Variants in CTXN2 observed in about 807,000 individuals in gnomAD.
CTXN2 encodes the protein cortexin 2, also known as cortexin-2.
In CTXN2, 3 loss-of-function variants were observed where a neutral mutation model predicts 5.7. The observed-to-expected ratio is 0.53, with a 90% CI of 0.24 to 1.36. CTXN2 has a LOEUF of 1.36. Among genes scored for constraint, CTXN2 ranks in the 40% most tolerant of loss-of-function variants. The pLI, the probability that CTXN2 is intolerant of heterozygous loss-of-function variation, is 0.17. For synonymous variants in CTXN2, 38 were observed against 36.4 expected (o/e 1.04, Z -0.16); for missense variants, 87 against 93.0 (o/e 0.94, Z 0.26).
intron 1 of CTXN2, among the ~76,000 whole-genome samples, chr15:48,180,567 A>G (rs1444810472): frequency 6.6e-6 from 1 of 152,124 alleles, no homozygotes; most frequent in East Asian, 1.9e-4. Flanking sequence ...GCTGGAGTGC[A>G]GTGGCGCCAT....
At chr15:48,186,632 G>A (rs2040758543) in intron 1 of CTXN2, among the ~76,000 whole-genome samples, 1 of 152,122 alleles carries the variant, frequency 6.6e-6, no homozygotes, top group Non-Finnish European at 1.5e-5. Flanking sequence ...CAGGCGCGTT[G>A]GCTCACGCCT....
At chr15:48,186,278 T>G (rs1014022897) in intron 1 of CTXN2, among the ~76,000 whole-genome samples, 6 of 152,192 alleles carry the variant, frequency 3.9e-5, no homozygotes, top group Non-Finnish European at 7.3e-5. Flanking sequence ...TTTAGTACAT[T>G]TTTCTTTGCA....
At position 48,203,678 on chromosome 15, in the gene CTXN2, CTCCCATAAGCTT is replaced by C. The variant is rs961693668; in HGVS notation, c.*2134_*2145del. 1.8e-5 allele frequency: 3 copies of C among 166,988 alleles called. No homozygotes were observed. The highest frequency in any genetic ancestry group is 2.1e-4 in the South Asian group (1 of 4,816). 10.3% of individuals were successfully genotyped at this position (166,988 alleles called of 1,614,324 possible). A position where few individuals can be genotyped will look rare whatever the true frequency, so the allele number is the denominator to read the frequency against. On this transcript the variant is annotated 3_prime_UTR_variant, in exon 2 of 2. Coordinates refer to ENST00000417307, the MANE Select transcript of CTXN2 (RefSeq NM_001145668.2). ...ATGAGCATTGTTTCTGGAAGTTCAA[CTCCCATAAGCTT>C]TTCAAGTATATTAACTCTACCATAA...
At chr15:48,187,389 T>G (rs2040768304), upstream of CTXN2, among the ~76,000 whole-genome samples, 1 of 151,878 alleles carries the variant, frequency 6.6e-6, no homozygotes. Flanking sequence ...TTTTAAAATT[T>G]CACATTTGAA....
chr15:48,191,752 G>A lies in CTXN2; in HGVS notation c.-159G>A. ...TGACTCTACGCAGGTTCCAGAACAC[G>A]CCTTCTACATTTGTTACTGAACCGA... On this transcript the variant is annotated 5_prime_UTR_variant, in exon 1 of 2. Transcript: ENST00000417307. 2.2e-6 allele frequency: 1 copy of A among 456,032 alleles called. No homozygotes were observed. The highest frequency in any genetic ancestry group is 4.4e-6 in the Non-Finnish European group (1 of 226,794). 28.2% of individuals were successfully genotyped at this position (456,032 alleles called of 1,614,324 possible).
chr15:48,192,383 A>G (rs973753258), intron 1 of CTXN2: 2 of 152,726 alleles, frequency 1.3e-5, no homozygotes, highest in Non-Finnish European at 2.9e-5. Flanking sequence ...GGCAGATCCT[A>G]AGGTCTGGGA....
At chr15:48,179,761 A>G (rs950376890) in intron 1 of CTXN2, among the ~76,000 whole-genome samples, 2 of 152,210 alleles carry the variant, frequency 1.3e-5, no homozygotes, top group Non-Finnish European at 2.9e-5. Flanking sequence ...ACAATTCTCT[A>G]TCTCCCTAAG....
chr15:48,192,063 C>T (rs1020844906), intron 1 of CTXN2: 4 of 306,620 alleles, frequency 1.3e-5, no homozygotes, highest in Non-Finnish European at 2.6e-5. Flanking sequence ...ATGCTAGCGC[C>T]ACTGCTGATG....
chr15:48,181,355 C>T (rs1207434100), intron 1 of CTXN2, among the ~76,000 whole-genome samples: 1 of 152,112 alleles, frequency 6.6e-6, no homozygotes, highest in Admixed American at 6.6e-5. Context: ...ATCGAGGCAC[C>T]TTGTCGGCAT....
chr15:48,179,057 T>C (rs933638195), intron 1 of CTXN2, among the ~76,000 whole-genome samples: 1 of 152,010 alleles, frequency 6.6e-6, no homozygotes, highest in African/African-American at 2.4e-5. Flanking sequence ...TAGTTAGTTA[T>C]ACGCTCTCAA....
At chr15:48,195,375 T>G (rs1435549162) in intron 1 of CTXN2, among the ~76,000 whole-genome samples, 2 of 152,092 alleles carry the variant, frequency 1.3e-5, no homozygotes, top group East Asian at 3.8e-4. Context: ...TTTCCCGTGA[T>G]GCTCTCTCCC....
chr15:48,183,704 T>C (rs1199944580), intron 1 of CTXN2, among the ~76,000 whole-genome samples: 5 of 152,252 alleles, frequency 3.3e-5, no homozygotes, highest in Admixed American at 3.3e-4. Flanking sequence ...AAAATACTTG[T>C]GACTTATCTT....
At chr15:48,178,468 C>CTGT in intron 1 of CTXN2, 1 of 460,084 alleles carries the variant, frequency 2.2e-6, no homozygotes, top group Non-Finnish European at 3.7e-6. Flanking sequence ...GTCAGGGCCG[C>CTGT]TGTTGCTGCA....
At chr15:48,187,117 G>A (rs1208527670), upstream of CTXN2, among the ~76,000 whole-genome samples, 2 of 151,900 alleles carry the variant, frequency 1.3e-5, no homozygotes, top group Admixed American at 6.5e-5. Flanking sequence ...TTTAGGAAGA[G>A]GGCATATCTT....
At chr15:48,179,573 C>G (rs977881797) in intron 1 of CTXN2, among the ~76,000 whole-genome samples, 1 of 152,218 alleles carries the variant, frequency 6.6e-6, no homozygotes, top group African/African-American at 2.4e-5. Flanking sequence ...CAGACAAAAT[C>G]TGGGTTAGAA....
chr15:48,193,279 C>T (rs558219994), intron 1 of CTXN2, among the ~76,000 whole-genome samples: 8 of 152,196 alleles, frequency 5.3e-5, no homozygotes, highest in African/African-American at 1.9e-4. Flanking sequence ...GTGAATATGG[C>T]TCAAGACAAT....
At chr15:48,197,767 A>G (rs995998736) in intron 1 of CTXN2, among the ~76,000 whole-genome samples, 4 of 152,112 alleles carry the variant, frequency 2.6e-5, no homozygotes, top group Non-Finnish European at 5.9e-5. Context: ...GTTTAAAGCC[A>G]TGAAATAGCC....
rs376540892 is a variant in CTXN2 at position 48,184,918 on chromosome 15, GATAA to G, written c.-455+6524_-455+6527del. 1.5e-3 allele frequency among the ~76,000 whole-genome samples: 229 copies of G among 152,134 alleles called. 7 individuals are homozygous for G. In the South Asian group the frequency reaches 0.038, roughly 25 times the overall value. ...CGAGATATCTTTCAACAGATATATA[GATAA>G]ATAAACTGTGGCATATCCATACAAT... is the stretch of plus-strand genomic sequence containing the variant. On this transcript the variant is annotated intron_variant, in intron 1 of 2. Coordinates refer to the CTXN2 transcript ENST00000644354.
intron 1 of CTXN2, among the ~76,000 whole-genome samples, chr15:48,193,375 T>C (rs904534515): frequency 8.1e-6 from 1 of 124,072 alleles, no homozygotes; most frequent in Admixed American, 9.5e-5. Flanking sequence ...AAACTGTGCA[T>C]TGTTTATTTT....
Sources: gnomAD v4.1 joint callset for allele counts (sites outside exome capture counted in the v4.1 genomes callset) on GRCh38, gnomAD v4.1.1 for gene constraint, MANE v1.5 for transcripts, NCBI Gene and HGNC (gene_info 2026-07-23, HGNC 2026-07-21) for gene names.